The following CTRB1 variants were observed in gnomAD, a reference collection of about 807,000 sequenced individuals.
The protein encoded by CTRB1 is chymotrypsinogen B.
In CTRB1, 15 loss-of-function variants were observed where a neutral mutation model predicts 20.4. The observed-to-expected ratio is 0.74, with a 90% CI of 0.49 to 1.13. The LOEUF (loss-of-function observed/expected upper bound fraction) is 1.13. Ranked by LOEUF, CTRB1 falls within the 50% of genes most tolerant of loss-of-function variation. The pLI, the probability that CTRB1 is intolerant of heterozygous loss-of-function variation, is 0.00. For synonymous variants in CTRB1, 92 were observed against 128.4 expected (o/e 0.72, Z 1.92); for missense variants, 227 against 290.1 (o/e 0.78, Z 1.58).
intron 1 of CTRB1, among the ~76,000 whole-genome samples, chr16:75,220,422 G>T (rs1281750768): frequency 1.3e-5 from 2 of 152,142 alleles, no homozygotes; most frequent in Non-Finnish European, 2.9e-5. Flanking sequence ...AACCTCCAGT[G>T]ATCCGCCCAC....
intron 1 of CTRB1, 156 bp from the exon 2 acceptor site, chr16:75,222,612 A>C: frequency 4.0e-6 from 3 of 755,010 alleles, no homozygotes; most frequent in South Asian, 1.9e-5. Flanking sequence ...GTTTGAGCCT[A>C]GAGACTTGGG....
At chr16:75,222,636 G>C (rs2076702598) in intron 1 of CTRB1, 132 bp from the exon 2 acceptor site, 2 of 951,946 alleles carry the variant, frequency 2.1e-6, no homozygotes, top group South Asian at 3.5e-5. Flanking sequence ...CAGGGAGGCG[G>C]AGGCGGCATG....
rs561613338 is a variant in CTRB1, at chr16:75,222,640, C to T, written c.53-128C>T. 8.4e-5 allele frequency: 83 copies of T among 992,142 alleles called. No homozygotes were observed. The East Asian group carries it at 1.6e-3, about 19-fold the overall frequency. 61.5% of individuals were successfully genotyped at this position (992,142 alleles called of 1,614,324 possible). On this transcript the variant is annotated intron_variant, in intron 1 of 6. Transcript: ENST00000361017. ...GACTTGGGGACCAGGGAGGCGGAGGCGGCATGTGCCAGGGAGGTCCTGAGC... is the reference window on the plus strand; with the variant it reads ...GACTTGGGGACCAGGGAGGCGGAGGTGGCATGTGCCAGGGAGGTCCTGAGC...
At position 75,224,175 on chromosome 16, in the gene CTRB1, T is replaced by A; in HGVS notation, c.617T>A (p.Val206Asp). ...DVMICAGASGVSSCMGDSGGP... is the reference protein window; with the variant it reads ...DVMICAGASGDSSCMGDSGGP... ...ATGATCTGTGCCGGGGCCAGTGGCG[T>A]CTCCTCCTGCATGGTGAGGCTGGCC... The change falls in exon 6 of 7, where the codon GTC (valine) becomes GAC (aspartate). Residue 206 changes from valine (V) to aspartate (D), a missense_variant. This residue lies in a region of CTRB1 where 108 missense variants were observed against 76.9 expected (regional missense o/e 1.41). Coordinates refer to ENST00000361017, the MANE Select transcript of CTRB1 (RefSeq NM_001906.6). 1 of 1,478,878 alleles carries A rather than the reference T, an allele frequency of 6.8e-7. No homozygotes were observed. The highest frequency in any genetic ancestry group is 9.0e-7 in the Non-Finnish European group (1 of 1,106,540). The allele number at this position is 1,478,878 out of a possible 1,614,324, so 91.6% of individuals were successfully genotyped here. A position where few individuals can be genotyped will look rare whatever the true frequency, so the allele number is the denominator to read the frequency against.
chr16:75,219,044 G>A lies in CTRB1; in HGVS notation c.37G>A (p.Val13Met), dbSNP rs1130449. ...SLWLLSCFSL[V>M]GAAFGCGVPA... ...CTGGCTCCTCTCCTGCTTCTCCCTTGTGGGGGCCGCCTTTGGTGAGTGCTG... is the reference window on the plus strand; with the variant it reads ...CTGGCTCCTCTCCTGCTTCTCCCTTATGGGGGCCGCCTTTGGTGAGTGCTG... The change falls in exon 1 of 7, where the codon GTG becomes ATG. Residue 13 changes from valine to methionine, a missense_variant. Transcript: ENST00000361017. 5.0e-6 allele frequency: 8 copies of A among 1,592,846 alleles called. No individual in the cohort carries two copies. The East Asian group carries it at 9.0e-5, about 18-fold the overall frequency.
Position 75,224,755 on chromosome 16 carries a change from G to A in CTRB1, c.681G>A (p.Leu227=), listed in dbSNP as rs143327059. The A allele has an allele frequency of 6.2e-7, 1 of 1,613,682 alleles. No individual in the cohort carries two copies. Among genetic ancestry groups the A allele is most frequent in the East Asian group, 2.2e-5 (1 of 44,846 alleles). ...LVCQKDGAWT[L]VGIVSWGSDT... is the part of the protein sequence containing the mutation. ...GCCAAAAGGATGGAGCCTGGACCCTGGTGGGCATTGTGTCCTGGGGCAGCG... is the reference window on the plus strand; with the variant it reads ...GCCAAAAGGATGGAGCCTGGACCCTAGTGGGCATTGTGTCCTGGGGCAGCG... Residue 227 remains leucine, a synonymous_variant, in exon 7 of 7, where the codon CTG becomes CTA. Coordinates refer to ENST00000361017, the MANE Select transcript of CTRB1 (RefSeq NM_001906.6).
chr16:75,220,240 G>C (rs879872940), intron 1 of CTRB1, among the ~76,000 whole-genome samples: 2 of 152,140 alleles, frequency 1.3e-5, no homozygotes, highest in Non-Finnish European at 2.9e-5. Flanking sequence ...CTGGAGTGCA[G>C]TGGCGTGATC....
intron 1 of CTRB1, among the ~76,000 whole-genome samples, chr16:75,221,280 G>A (rs1320996624): frequency 1.3e-5 from 2 of 152,208 alleles, no homozygotes; most frequent in African/African-American, 4.8e-5. Flanking sequence ...GGCGTGTGTG[G>A]AACACCTGAC....
chr16:75,224,275 T>C, intron 6 of CTRB1, 87 bp downstream of exon 6: 3 of 1,543,556 alleles, frequency 1.9e-6, no homozygotes, highest in African/African-American at 1.4e-5. Context: ...TCTCATCTAC[T>C]AACCCCACTC....
At chr16:75,222,716 AG>A (rs2076703304) in intron 1 of CTRB1, 51 bp from the exon 2 acceptor site, 2 of 1,521,626 alleles carry the variant, frequency 1.3e-6, no homozygotes, top group African/African-American at 2.8e-5. Flanking sequence ...CAGGCAGGTG[AG>A]GCCCAGGTGG....
chr16:75,220,703 G>C (rs2039071141), intron 1 of CTRB1, among the ~76,000 whole-genome samples: 1 of 152,168 alleles, frequency 6.6e-6, no homozygotes, highest in Admixed American at 6.6e-5. Context: ...TCATTCACCT[G>C]CATTTTTATA....
intron 1 of CTRB1, among the ~76,000 whole-genome samples, chr16:75,221,159 G>A (rs2039078148): frequency 1.7e-5 from 2 of 120,212 alleles, no homozygotes; most frequent in Non-Finnish European, 3.5e-5. Context: ...ACCCCAGAAG[G>A]GGACAGCTGG....
At chr16:75,224,028 G>C in intron 5 of CTRB1, 27 bp from the exon 6 acceptor site, 1 of 843,888 alleles carries the variant, frequency 1.2e-6, no homozygotes, top group Non-Finnish European at 1.8e-6. Flanking sequence ...TGAGCCCAGG[G>C]GCCCTGACCC....
chr16:75,221,046 C>T (rs768046838), intron 1 of CTRB1, among the ~76,000 whole-genome samples: 1 of 152,168 alleles, frequency 6.6e-6, no homozygotes, highest in South Asian at 2.1e-4. Context: ...TTTGCTATTA[C>T]AATACCAGTT....
At chr16:75,222,382 G>A (rs1344153101) in intron 1 of CTRB1, among the ~76,000 whole-genome samples, 1 of 152,174 alleles carries the variant, frequency 6.6e-6, no homozygotes, top group African/African-American at 2.4e-5. Flanking sequence ...ACGTGGTTCT[G>A]CTGCCCTTTT....
chr16:75,222,857 C>T lies in CTRB1; in HGVS notation c.142C>T (p.Gln48Ter), dbSNP rs1467630228. The T allele has an allele frequency of 6.6e-7, 1 of 1,521,372 alleles. No homozygotes were observed. Among genetic ancestry groups the T allele is most frequent in the Admixed American group, 2.0e-5 (1 of 49,830 alleles). The allele number at this position is 1,521,372 out of a possible 1,614,324, so 94.2% of individuals were successfully genotyped here. A position where few individuals can be genotyped will look rare whatever the true frequency, so the allele number is the denominator to read the frequency against. Reference protein sequence around the residue: ...EDAVPGSWPWQVSLQDKTGFH... With the variant: ...EDAVPGSWPW ...CGCCGTCCCCGGCTCCTGGCCCTGG[C>T]AGGTGTCCCTGCAGGTGAGGGGGTT... The change falls in exon 2 of 7, where the codon CAG becomes TAG. Residue 48 changes from glutamine (Q) to a stop codon, truncating the protein, a stop_gained. Coordinates refer to ENST00000361017, the MANE Select transcript of CTRB1 (RefSeq NM_001906.6). LOFTEE classifies it high-confidence loss of function.
chr16:75,220,384 A>C (rs1046180163), intron 1 of CTRB1, among the ~76,000 whole-genome samples: 13 of 152,160 alleles, frequency 8.5e-5, no homozygotes, highest in African/African-American at 2.9e-4. Context: ...GGGTTTCACC[A>C]TATTGGTCAG....
chr16:75,220,120 G>A (rs143688564), intron 1 of CTRB1, among the ~76,000 whole-genome samples: 13 of 151,812 alleles, frequency 8.6e-5, no homozygotes, highest in Non-Finnish European at 1.5e-4. Context: ...AGTAGCTGGC[G>A]CTACAGGCAC....
chr16:75,224,186 A>G lies in CTRB1; in HGVS notation c.628A>G (p.Met210Val), dbSNP rs776240982. 4.8e-6 allele frequency: 7 copies of G among 1,467,860 alleles called. No individual in the cohort carries two copies. The highest frequency in any genetic ancestry group is 5.0e-5 in the Admixed American group (2 of 39,980). The allele number at this position is 1,467,860 out of a possible 1,614,324, so 90.9% of individuals were successfully genotyped here. Residue 210 changes from methionine to valine, a missense_variant and splice_region_variant, in exon 6 of 7, where the codon ATG (methionine) becomes GTG (valine). Transcript: ENST00000361017. ...CAGASGVSSC[M>V]GDSGGPLVCQ... ...CGGGGCCAGTGGCGTCTCCTCCTGCATGGTGAGGCTGGCCCTGCCCAGGCC... is the reference window on the plus strand; with the variant it reads ...CGGGGCCAGTGGCGTCTCCTCCTGCGTGGTGAGGCTGGCCCTGCCCAGGCC...
Sources: allele counts gnomAD v4.1 joint callset (sites outside exome capture counted in the v4.1 genomes callset), GRCh38; gene constraint gnomAD v4.1.1; regional missense constraint gnomAD v4.1.1; transcripts MANE v1.5; gene names NCBI Gene and HGNC (gene_info 2026-07-23, HGNC 2026-07-21).